ABCA13: variants seen among roughly 807,000 people sequenced by gnomAD.
The protein encoded by ABCA13 is ATP binding cassette subfamily A member 13.
Under a neutral mutation model 478.7 loss-of-function variants are expected in ABCA13, and 476 were observed. The ratio of observed to expected loss-of-function variants is 0.99; its 90% CI spans 0.92 to 1.07. The LOEUF is 1.07. Among genes scored for constraint, ABCA13 ranks in the 50% least tolerant of loss-of-function variants. The pLI, the probability that ABCA13 is intolerant of heterozygous loss-of-function variation, is 0.00. For synonymous variants in ABCA13, 2,252 were observed against 2,158.9 expected (o/e 1.04, Z -1.20); for missense variants, 6,060 against 5,910.6 (o/e 1.03, Z -0.83).
In ABCA13 at chr7:48,250,200, G is replaced by A. The variant is rs1427310748; in HGVS notation, c.2005+849G>A. Among the ~76,000 whole-genome samples the A allele has an allele frequency of 2.0e-5, 3 of 152,262 alleles. No individual in the cohort carries two copies. In the East Asian group the frequency reaches 5.8e-4, roughly 29 times the overall value. Reference sequence around the variant, plus strand: ...GTATGTGGGGGCATGGAGCTTCTATGCCCTCTCCAGGCCTATCACCCTCCC... The same window carrying A: ...GTATGTGGGGGCATGGAGCTTCTATACCCTCTCCAGGCCTATCACCCTCCC... On this transcript the variant is annotated intron_variant, in intron 15 of 61. Transcript: ENST00000435803.
intron 58 of ABCA13, among the ~76,000 whole-genome samples, chr7:48,601,930 T>G (rs1790933218): frequency 1.3e-5 from 2 of 152,236 alleles, no homozygotes; most frequent in African/African-American, 4.8e-5. Context: ...TGGCCTGAGA[T>G]GGTATCTCAT....
At chr7:48,390,021 T>C (rs1815797925) in intron 37 of ABCA13, among the ~76,000 whole-genome samples, 4 of 151,996 alleles carry the variant, frequency 2.6e-5, no homozygotes, top group South Asian at 4.1e-4. Context: ...ATATGGACAG[T>C]TTTTATTTGT....
At chr7:48,376,658 A>G (rs1004611496) in intron 35 of ABCA13, 86 bp downstream of exon 35, 3 of 1,404,288 alleles carry the variant, frequency 2.1e-6, no homozygotes, top group South Asian at 2.7e-5. Flanking sequence ...ATAATCACTT[A>G]TTCTTTAAGG....
At chr7:48,228,022 C>T (rs1042848402) in intron 6 of ABCA13, among the ~76,000 whole-genome samples, 1 of 152,216 alleles carries the variant, frequency 6.6e-6, no homozygotes, top group Admixed American at 6.5e-5. Context: ...CTTCTTATGC[C>T]TTAATCAGCA....
At position 48,218,973 on chromosome 7, in the gene ABCA13, T is replaced by C. The variant is rs565358772; in HGVS notation, c.288-381T>C. ...AAAACTAAAACATTCTCCGTAATTA[T>C]CTCTGTCTCCTCCTCATGCACAGAT... On this transcript the variant is annotated intron_variant, in intron 3 of 61. Coordinates refer to ENST00000435803, the MANE Select transcript of ABCA13 (RefSeq NM_152701.5). Among the ~76,000 whole-genome samples the C allele has an allele frequency of 6.6e-5, 10 of 152,326 alleles. No individual in the cohort carries two copies. The South Asian group carries it at 2.1e-3, about 32-fold the overall frequency.
intron 59 of ABCA13, among the ~76,000 whole-genome samples, chr7:48,631,333 G>C (rs562431516): frequency 6.6e-6 from 1 of 152,104 alleles, no homozygotes; most frequent in African/African-American, 2.4e-5. Context: ...TTTTATACAT[G>C]GTGAAAGATG....
chr7:48,286,585 A>G (rs1170719663), intron 19 of ABCA13, among the ~76,000 whole-genome samples: 2 of 151,642 alleles, frequency 1.3e-5, no homozygotes, highest in East Asian at 3.9e-4. Context: ...GCTCATTGCA[A>G]CCTCTACCTC....
chr7:48,285,308 C>T (rs1401987668), intron 19 of ABCA13, among the ~76,000 whole-genome samples: 1 of 151,990 alleles, frequency 6.6e-6, no homozygotes, highest in Non-Finnish European at 1.5e-5. Flanking sequence ...GTCCTTGGAG[C>T]CAAGAAGAGG....
chr7:48,611,316 A>T (rs1254511242), intron 58 of ABCA13, among the ~76,000 whole-genome samples: 1 of 152,026 alleles, frequency 6.6e-6, no homozygotes, highest in African/African-American at 2.4e-5. Flanking sequence ...TTATTTTCCC[A>T]TCTTCTCCTG....
chr7:48,394,696 T>C (rs1816587763), intron 38 of ABCA13, among the ~76,000 whole-genome samples: 1 of 152,216 alleles, frequency 6.6e-6, no homozygotes, highest in Non-Finnish European at 1.5e-5. Flanking sequence ...TTTTTATTTT[T>C]ATATTTTTTC....
At chr7:48,186,174 A>T (rs1308538170) in intron 1 of ABCA13, among the ~76,000 whole-genome samples, 1 of 152,030 alleles carries the variant, frequency 6.6e-6, no homozygotes, top group Admixed American at 6.6e-5. Flanking sequence ...TCTTTCAAAT[A>T]GTGAGTTTAA....
chr7:48,292,199 A>T (rs1245414490), intron 20 of ABCA13, among the ~76,000 whole-genome samples: 1 of 151,568 alleles, frequency 6.6e-6, no homozygotes, highest in African/African-American at 2.4e-5. Context: ...CTGAAAAAAA[A>T]CCTCTTCATC....
chr7:48,474,885 T>C (rs1827911169), intron 45 of ABCA13, among the ~76,000 whole-genome samples: 2 of 152,232 alleles, frequency 1.3e-5, no homozygotes, highest in Non-Finnish European at 2.9e-5. Context: ...GATTGGTGTT[T>C]ATGTTCCTAA....
In ABCA13 at chr7:48,178,608, G is replaced by C. The variant is rs550156735; in HGVS notation, c.69+7056G>C. On this transcript the variant is annotated intron_variant, in intron 1 of 61. Transcript: ENST00000435803. ...GAGAATCACTTGAATCTAGGAGGCA[G>C]AGGCTGCAGTGAGCCGAGCTCGCAC... Among the ~76,000 whole-genome samples the C allele has an allele frequency of 2.1e-3, 313 of 152,102 alleles. 4 individuals are homozygous for C. Among genetic ancestry groups the C allele is most frequent in the Non-Finnish European group, 5.7e-4 (39 of 68,016 alleles).
chr7:48,586,584 G>A (rs12672551), intron 56 of ABCA13, among the ~76,000 whole-genome samples: 16,743 of 152,054 alleles, frequency 0.11, 1,084 homozygotes, highest in East Asian at 0.17. Context: ...CCAAAAGTGC[G>A]GAGGGAGGGC....
chr7:48,367,687 A>AGG, intron 31 of ABCA13, 107 bp from the exon 32 acceptor site: 1 of 826,208 alleles, frequency 1.2e-6, no homozygotes, highest in Non-Finnish European at 2.0e-6. Flanking sequence ...AAATGACCAA[A>AGG]GGAGATATCA....
At chr7:48,183,652 C>T (rs189005327) in intron 1 of ABCA13, among the ~76,000 whole-genome samples, 2 of 152,344 alleles carry the variant, frequency 1.3e-5, no homozygotes, top group Admixed American at 1.3e-4. Context: ...ATTCCATCCT[C>T]TTGGACAGAA....
intron 17 of ABCA13, 134 bp downstream of exon 17, chr7:48,276,699 C>A: frequency 1.4e-6 from 1 of 706,980 alleles, no homozygotes; most frequent in Non-Finnish European, 2.2e-6. Context: ...GTAAATTTGT[C>A]TTAATAAATA....
chr7:48,496,912 T>G (rs1830324963), intron 48 of ABCA13, among the ~76,000 whole-genome samples: 1 of 152,072 alleles, frequency 6.6e-6, no homozygotes. Context: ...TGGTGTGGCT[T>G]TCTTTGGTTT....
Sources: allele counts gnomAD v4.1 joint callset (sites outside exome capture counted in the v4.1 genomes callset), GRCh38; gene constraint gnomAD v4.1.1; transcripts MANE v1.5; gene names NCBI Gene and HGNC (gene_info 2026-07-23, HGNC 2026-07-21).